PDE10A: variants seen among roughly 807,000 people sequenced by gnomAD.
The protein encoded by PDE10A is phosphodiesterase 10A.
PDE10A carries 39 observed loss-of-function variants against 97.7 expected under a neutral mutation model. The observed-to-expected ratio is 0.40, with a 90% CI of 0.31 to 0.52. PDE10A has a LOEUF of 0.52. PDE10A is among the 20% of genes least tolerant of loss of function. The pLI, the probability that PDE10A is intolerant of heterozygous loss-of-function variation, is 0.56. For missense variants in PDE10A, 731 were observed against 1,047.8 expected (o/e 0.70, Z 4.17); for synonymous variants, 371 against 376.8 (o/e 0.98, Z 0.18).
chr6:165,587,869 G>A (rs1413799392), intron 1 of PDE10A, among the ~76,000 whole-genome samples: 1 of 152,178 alleles, frequency 6.6e-6, no homozygotes, highest in Non-Finnish European at 1.5e-5. Flanking sequence ...CCTGCACACA[G>A]AAACATTCAG....
chr6:165,500,282 C>T (rs1780790335), intron 2 of PDE10A, among the ~76,000 whole-genome samples: 1 of 151,798 alleles, frequency 6.6e-6, no homozygotes, highest in African/African-American at 2.4e-5. Context: ...TGGCATTGTG[C>T]AGAAAAGAGA....
At chr6:165,518,204 A>C (rs1367275804) in intron 2 of PDE10A, among the ~76,000 whole-genome samples, 1 of 152,242 alleles carries the variant, frequency 6.6e-6, no homozygotes, top group Non-Finnish European at 1.5e-5. Context: ...TAAGGACATT[A>C]AATAGAGGGC....
At chr6:165,468,933 G>A (rs1778822933) in intron 3 of PDE10A, among the ~76,000 whole-genome samples, 1 of 152,168 alleles carries the variant, frequency 6.6e-6, no homozygotes, top group African/African-American at 2.4e-5. Context: ...CTCCTCTGTT[G>A]CAGCAGTTTG....
At chr6:165,856,685 T>A (rs1476896966) in intron 1 of PDE10A, among the ~76,000 whole-genome samples, 6 of 152,194 alleles carry the variant, frequency 3.9e-5, no homozygotes, top group Non-Finnish European at 2.9e-5. Flanking sequence ...TGGTTCGTGT[T>A]CCCCCTCATT....
chr6:165,485,373 C>T (rs1779844872), intron 2 of PDE10A, among the ~76,000 whole-genome samples: 1 of 148,676 alleles, frequency 6.7e-6, no homozygotes, highest in African/African-American at 2.5e-5. Context: ...GAGGCTGAGG[C>T]AGGAGAATCA....
intron 1 of PDE10A, among the ~76,000 whole-genome samples, chr6:165,944,129 AG>A (rs879915471): frequency 1.3e-5 from 2 of 152,226 alleles, no homozygotes; most frequent in Non-Finnish European, 2.9e-5. Flanking sequence ...CTGAACAAAA[AG>A]GGGGGAAATC....
At chr6:165,606,188 C>G (rs1044370331) in intron 1 of PDE10A, among the ~76,000 whole-genome samples, 9 of 149,756 alleles carry the variant, frequency 6.0e-5, no homozygotes, top group Non-Finnish European at 1.3e-4. Flanking sequence ...AAGCACCAGG[C>G]ACACAGTCTA....
intron 1 of PDE10A, among the ~76,000 whole-genome samples, chr6:165,682,836 G>T (rs1398835127): frequency 6.6e-6 from 1 of 152,180 alleles, no homozygotes; most frequent in African/African-American, 2.4e-5. Context: ...TCTAGAATCT[G>T]CTGGTCATCG....
intron 1 of PDE10A, among the ~76,000 whole-genome samples, chr6:165,548,646 G>A (rs761639430): frequency 6.6e-6 from 1 of 152,088 alleles, no homozygotes; most frequent in Non-Finnish European, 1.5e-5. Flanking sequence ...AGTTTTTTGT[G>A]ATGTCAGCAG....
chr6:165,768,902 G>C (rs1048352982), intron 1 of PDE10A, among the ~76,000 whole-genome samples: 2 of 152,160 alleles, frequency 1.3e-5, no homozygotes, highest in African/African-American at 4.8e-5. Flanking sequence ...AAATGGACCA[G>C]AGCATCGAGC....
intron 18 of PDE10A, among the ~76,000 whole-genome samples, chr6:165,375,738 T>C (rs1393833320): frequency 6.6e-6 from 1 of 152,222 alleles, no homozygotes; most frequent in Non-Finnish European, 1.5e-5. Context: ...GGGGCTAATG[T>C]AGCTGGTGAC....
At chr6:165,349,326 G>A (rs947395134) in intron 18 of PDE10A, among the ~76,000 whole-genome samples, 1 of 152,196 alleles carries the variant, frequency 6.6e-6, no homozygotes. Flanking sequence ...GGTCTCAGAT[G>A]TAGATGAGGA....
intron 3 of PDE10A, among the ~76,000 whole-genome samples, chr6:165,481,037 T>C (rs1263822104): frequency 1.3e-5 from 2 of 152,222 alleles, no homozygotes; most frequent in Admixed American, 1.3e-4. Flanking sequence ...TTCATCATTT[T>C]TTCTAATGGC....
chr6:165,561,676 A>C (rs961272753), intron 1 of PDE10A, among the ~76,000 whole-genome samples: 1 of 152,196 alleles, frequency 6.6e-6, no homozygotes, highest in Non-Finnish European at 1.5e-5. Context: ...TATTGGTCCT[A>C]AAATAGGAAG....
intron 1 of PDE10A, among the ~76,000 whole-genome samples, chr6:165,868,603 T>G (rs6920942): frequency 0.04 from 6,129 of 152,140 alleles, 148 homozygotes; most frequent in Non-Finnish European, 0.049. Context: ...ATAAGACCAA[T>G]TCTTCTCAAA....
chr6:165,789,688 A>T (rs1301807586), intron 1 of PDE10A, among the ~76,000 whole-genome samples: 1 of 152,250 alleles, frequency 6.6e-6, no homozygotes, highest in African/African-American at 2.4e-5. Flanking sequence ...CCGTGATAAC[A>T]AACGCCGTGC....
chr6:165,911,212 A>C (rs1323501539), intron 1 of PDE10A, among the ~76,000 whole-genome samples: 3 of 152,190 alleles, frequency 2.0e-5, no homozygotes, highest in African/African-American at 7.2e-5. Context: ...AAACATCAAC[A>C]TGAGTAATCA....
At chr6:165,870,995 C>A (rs1303392373) in intron 1 of PDE10A, among the ~76,000 whole-genome samples, 2 of 152,176 alleles carry the variant, frequency 1.3e-5, no homozygotes, top group Admixed American at 6.6e-5. Flanking sequence ...TGGGCACACA[C>A]ATGCAGTTAC....
intron 18 of PDE10A, among the ~76,000 whole-genome samples, chr6:165,354,104 T>A (rs1207673640): frequency 6.6e-6 from 1 of 152,134 alleles, no homozygotes; most frequent in Non-Finnish European, 1.5e-5. Context: ...TAGGCTAAGA[T>A]AAATGCCCAC....
Sources: allele counts gnomAD v4.1 joint callset (sites outside exome capture counted in the v4.1 genomes callset), GRCh38; gene constraint gnomAD v4.1.1; transcripts MANE v1.5; gene names NCBI Gene and HGNC (gene_info 2026-07-23, HGNC 2026-07-21).